DCAF17: variants seen among roughly 807,000 people sequenced by gnomAD.
DCAF17 encodes the protein DDB1- and CUL4-associated factor 17.
Under a neutral mutation model 66.0 loss-of-function variants are expected in DCAF17, and 48 were observed. The observed-to-expected ratio is 0.73, with a 90% confidence interval of 0.58 to 0.92. The LOEUF (loss-of-function observed/expected upper bound fraction) is 0.92. DCAF17 is among the 40% of genes least tolerant of loss of function. The probability of loss-of-function intolerance (pLI) is 0.00; values close to 1 mark genes in which losing one functional copy is unlikely to be tolerated. For synonymous variants in DCAF17, 206 were observed against 214.6 expected (o/e 0.96, Z 0.35); for missense variants, 562 against 622.8 (o/e 0.90, Z 1.04).
At chr2:171,447,675 C>T (rs28420126) in intron 3 of DCAF17, among the ~76,000 whole-genome samples, 52,158 of 151,982 alleles carry the variant, frequency 0.34, 9,334 homozygotes, top group African/African-American at 0.45. Context: ...TCTTTTTTTC[C>T]TTTTTATCTA....
chr2:171,443,586 G>A lies in DCAF17; in HGVS notation c.294G>A (p.Glu98=), dbSNP rs758012127. The stretch of plus-strand genomic sequence containing the variant: ...AATGTTCCAAATCAGAAAAAATAGA[G>A]GATGCTTTATTATGGGAATGCCCAG... ...MPKCSKSEKI[E]DALLWECPVG... Residue 98 remains glutamate, a synonymous_variant, in exon 3 of 14, where the codon GAG becomes GAA. Transcript: ENST00000375255. 6 of 1,613,046 alleles carry A rather than the reference G, an allele frequency of 3.7e-6. No homozygotes were observed. The South Asian group carries it at 5.5e-5, about 15-fold the overall frequency.
intron 9 of DCAF17, among the ~76,000 whole-genome samples, chr2:171,472,176 G>T (rs943732886): frequency 2.0e-5 from 3 of 151,706 alleles, no homozygotes; most frequent in African/African-American, 7.3e-5. Context: ...TATACTTTTG[G>T]TTTTTTTGTT....
intron 9 of DCAF17, among the ~76,000 whole-genome samples, chr2:171,470,336 A>G (rs1010668080): frequency 2.3e-4 from 35 of 152,100 alleles, no homozygotes; most frequent in African/African-American, 2.4e-5. Flanking sequence ...ACCTTGCTCA[A>G]TCAGTCACTG....
At chr2:171,461,235 A>G (rs1388516867) in intron 8 of DCAF17, among the ~76,000 whole-genome samples, 1 of 152,154 alleles carries the variant, frequency 6.6e-6, no homozygotes, top group African/African-American at 2.4e-5. Context: ...ACTTGAGGTC[A>G]GGAGTGCAAG....
chr2:171,474,128 G>A, intron 10 of DCAF17, 153 bp downstream of exon 10: 1 of 678,312 alleles, frequency 1.5e-6, no homozygotes. Flanking sequence ...CAGAACACCT[G>A]AATTTATTCT....
At chr2:171,479,968 T>C (rs1696666985) in intron 12 of DCAF17, 70 bp from the exon 13 acceptor site, 4 of 1,544,512 alleles carry the variant, frequency 2.6e-6, no homozygotes, top group Admixed American at 1.7e-5. Context: ...AAACTATAAA[T>C]ACAGAAATAA....
At chr2:171,445,553 C>T (rs1363033605) in intron 3 of DCAF17, among the ~76,000 whole-genome samples, 2 of 152,168 alleles carry the variant, frequency 1.3e-5, no homozygotes, top group Admixed American at 6.6e-5. Context: ...AAGTTAGTGT[C>T]CATCTTTTCC....
intron 6 of DCAF17, among the ~76,000 whole-genome samples, chr2:171,455,501 G>C (rs775523364): frequency 6.6e-6 from 1 of 151,920 alleles, no homozygotes; most frequent in Non-Finnish European, 1.5e-5. Context: ...TATAATAGAA[G>C]GATTTATATC....
intron 12 of DCAF17, chr2:171,479,656 C>G (rs2105812587): frequency 4.1e-6 from 1 of 243,002 alleles, no homozygotes; most frequent in South Asian, 5.5e-5. Flanking sequence ...CTTTAGGTTT[C>G]AGAACCGAGC....
In DCAF17 at chr2:171,483,462, G is replaced by A. The variant is rs112519318; in HGVS notation, c.*2348G>A. The A allele has an allele frequency of 4.1e-3, 1,847 of 454,102 alleles. 32 individuals carry two copies. The highest frequency in any genetic ancestry group is 0.032 in the African/African-American group (1,614 of 50,122). 28.1% of individuals were successfully genotyped at this position (454,102 alleles called of 1,614,324 possible). On this transcript the variant is annotated 3_prime_UTR_variant, in exon 14 of 14. Transcript: ENST00000375255. Reference sequence around the variant, plus strand: ...CTGGATCTAAGTTTCTGCATTCTCAGAGCATCAATGCAGCAAGCTTATTGT... The same window carrying A: ...CTGGATCTAAGTTTCTGCATTCTCAAAGCATCAATGCAGCAAGCTTATTGT...
At position 171,442,296 on chromosome 2, in the gene DCAF17, C is replaced by T. The variant is rs183035771; in HGVS notation, c.231-1227C>T. On this transcript the variant is annotated intron_variant, in intron 2 of 13. Transcript: ENST00000375255. ...AAAAGGGGCTGGGCGCAGTGGCTCA[C>T]GCCTGTAATCCCAGCACTTTGGGAG... Among the ~76,000 whole-genome samples the T allele has an allele frequency of 3.8e-3, 584 of 152,290 alleles. 4 individuals are homozygous for T. The highest frequency in any genetic ancestry group is 0.013 in the African/African-American group (532 of 41,560).
rs146337106 is a variant in DCAF17, at chr2:171,459,152, A to T, written c.838+675A>T. On this transcript the variant is annotated intron_variant, in intron 8 of 13. Coordinates refer to ENST00000375255, the MANE Select transcript of DCAF17 (RefSeq NM_025000.4). ...TGGAGAAACCCCATCTCTACTAAAA[A>T]TACAAATTAGCCAGGCGTGGTGGCA... 3.7e-4 allele frequency among the ~76,000 whole-genome samples: 56 copies of T among 152,222 alleles called. No individual in the cohort carries two copies. The East Asian group carries it at 0.01, about 27-fold the overall frequency.
At chr2:171,445,744 A>G (rs1218170469) in intron 3 of DCAF17, among the ~76,000 whole-genome samples, 1 of 152,146 alleles carries the variant, frequency 6.6e-6, no homozygotes, top group Non-Finnish European at 1.5e-5. Flanking sequence ...GTCCAGTGGC[A>G]CAATCACAGC....
In DCAF17 at chr2:171,434,569, C is replaced by G. The variant is rs886055105; in HGVS notation, c.-9C>G. On this transcript the variant is annotated 5_prime_UTR_variant, in exon 1 of 14. Transcript: ENST00000375255. Reference sequence around the variant, plus strand: ...GGCCCAGCCTACCCAGGGCCCGGCCCGCGCCTCCATGGGCCCGACCCGGAA... The same window carrying G: ...GGCCCAGCCTACCCAGGGCCCGGCCGGCGCCTCCATGGGCCCGACCCGGAA... 9.8e-6 allele frequency: 15 copies of G among 1,525,786 alleles called. No homozygotes were observed. The highest frequency in any genetic ancestry group is 1.2e-5 in the Non-Finnish European group (14 of 1,142,296). The allele number at this position is 1,525,786 out of a possible 1,614,324, so 94.5% of individuals were successfully genotyped here.
At chr2:171,467,862 A>G (rs896679502) in intron 8 of DCAF17, among the ~76,000 whole-genome samples, 1 of 152,020 alleles carries the variant, frequency 6.6e-6, no homozygotes, top group African/African-American at 2.4e-5. Flanking sequence ...TAAGTAGTAC[A>G]TTGTCCTTAT....
chr2:171,449,736 A>T (rs566237798), intron 4 of DCAF17, 143 bp from the exon 5 acceptor site: 2 of 526,372 alleles, frequency 3.8e-6, no homozygotes, highest in South Asian at 6.0e-5. Context: ...AAATTTTTTT[A>T]GCTATTTATT....
Position 171,464,012 on chromosome 2 carries a change from A to G in DCAF17, c.839-4876A>G, listed in dbSNP as rs184489253. Among the ~76,000 whole-genome samples the G allele has an allele frequency of 2.1e-3, 322 of 152,294 alleles. 2 individuals are homozygous for G. The highest frequency in any genetic ancestry group is 3.8e-3 in the Non-Finnish European group (259 of 68,022). ...GACTTGTGGATTTTTTATTTGTCCAATATTATATAGTAATAGTTATTATTC... is the reference window on the plus strand; with the variant it reads ...GACTTGTGGATTTTTTATTTGTCCAGTATTATATAGTAATAGTTATTATTC... On this transcript the variant is annotated intron_variant, in intron 8 of 13. Transcript: ENST00000375255.
chr2:171,466,084 G>A (rs917917116), intron 8 of DCAF17, among the ~76,000 whole-genome samples: 4 of 151,938 alleles, frequency 2.6e-5, no homozygotes, highest in Non-Finnish European at 5.9e-5. Flanking sequence ...GGCTGGTCTC[G>A]AACTCCTGGG....
At chr2:171,454,608 T>A (rs1695141161) in intron 6 of DCAF17, among the ~76,000 whole-genome samples, 1 of 152,060 alleles carries the variant, frequency 6.6e-6, no homozygotes, top group African/African-American at 2.4e-5. Flanking sequence ...TAAAATATGT[T>A]TGAATTGGCC....
Sources: gnomAD v4.1 joint callset for allele counts (sites outside exome capture counted in the v4.1 genomes callset) on GRCh38, gnomAD v4.1.1 for gene constraint, MANE v1.5 for transcripts, NCBI Gene and HGNC (gene_info 2026-07-23, HGNC 2026-07-21) for gene names.